CARD14: variants seen among roughly 807,000 people sequenced by gnomAD.
CARD14 encodes the protein caspase recruitment domain-containing protein 14.
A neutral mutation model predicts 111.5 loss-of-function variants in CARD14; 107 were observed. The ratio of observed to expected loss-of-function variants is 0.96; its 90% CI spans 0.82 to 1.13. The LOEUF is 1.13. Ranked by LOEUF, CARD14 falls within the 50% of genes most tolerant of loss-of-function variation. The probability of loss-of-function intolerance (pLI) is 0.00; values close to 1 mark genes in which losing one functional copy is unlikely to be tolerated. For synonymous variants in CARD14, 617 were observed against 579.6 expected, an observed-to-expected ratio of 1.06 and a Z score of -0.93; for missense variants, 1,322 against 1,362.3, an observed-to-expected ratio of 0.97 and a Z score of 0.47.
chr17:80,189,955 C>G lies in CARD14; in HGVS notation c.963+83C>G. ...GACAGGTCTGTGGGGAAGCCAGATT[C>G]CTTCATCCACGCCGAGCTCACATAA... On this transcript the variant is annotated intron_variant, in intron 9 of 23. Transcript: ENST00000648509. This position sits in a 1 kb window ranked among gnomAD's most constrained non-coding sequence, Gnocchi z 4.7. The G allele has an allele frequency of 6.7e-7, 1 of 1,501,880 alleles. No homozygotes were observed. The highest frequency in any genetic ancestry group is 1.3e-5 in the South Asian group (1 of 76,264). 93.0% of individuals were successfully genotyped at this position (1,501,880 alleles called of 1,614,324 possible). A position where few individuals can be genotyped will look rare whatever the true frequency, so the allele number is the denominator to read the frequency against.
intron 5 of CARD14, among the ~76,000 whole-genome samples, 199 bp downstream of exon 5, chr17:80,181,848 CA>C (rs1197000603): frequency 6.6e-6 from 1 of 152,104 alleles, no homozygotes; most frequent in African/African-American, 2.4e-5. Flanking sequence ...GCCCTTTTCC[CA>C]AAAAAGGTCA....
intron 12 of CARD14, among the ~76,000 whole-genome samples, chr17:80,193,132 G>A (rs2144286402): frequency 6.6e-6 from 1 of 152,326 alleles, no homozygotes; most frequent in South Asian, 2.1e-4. Flanking sequence ...TGCTGACAGG[G>A]TACCCGTCTG....
At chr17:80,183,836 T>C (rs1357345420) in intron 6 of CARD14, 77 bp from the exon 7 acceptor site, 4 of 1,206,032 alleles carry the variant, frequency 3.3e-6, no homozygotes, top group African/African-American at 3.2e-5. Flanking sequence ...GCCCACCTGC[T>C]CACCTGCTCA....
At chr17:80,202,519 G>C (rs1233692100) in intron 18 of CARD14, 99 bp downstream of exon 18, 2 of 1,513,370 alleles carry the variant, frequency 1.3e-6, no homozygotes, top group African/African-American at 2.7e-5. Flanking sequence ...GCAATAGAGG[G>C]TGGGCGTGGT....
chr17:80,180,536 A>C (rs963908323), intron 4 of CARD14, among the ~76,000 whole-genome samples: 1 of 152,034 alleles, frequency 6.6e-6, no homozygotes, highest in Admixed American at 6.5e-5. Context: ...GGGCCGCTGC[A>C]AACAAGGGAC....
chr17:80,191,237 G>C (rs1463135552), intron 10 of CARD14, 86 bp from the exon 11 acceptor site: 28 of 1,500,318 alleles, frequency 1.9e-5, no homozygotes, highest in Non-Finnish European at 3.7e-6. Context: ...TCAGATGAGC[G>C]CAGGCTAGAA....
chr17:80,208,115 C>T, intron 23 of CARD14, 23 bp from the exon 24 acceptor site: 3 of 1,493,642 alleles, frequency 2.0e-6, no homozygotes, highest in South Asian at 1.3e-5. Flanking sequence ...TGAGCCCGCC[C>T]CCCCCAACTC....
intron 2 of CARD14, among the ~76,000 whole-genome samples, chr17:80,175,739 C>A (rs964148301): frequency 6.6e-6 from 1 of 152,100 alleles, no homozygotes; most frequent in African/African-American, 2.4e-5. Context: ...CAGGGCCTGG[C>A]TGGGATGGGG....
In CARD14 at chr17:80,198,678, C is replaced by T. The variant is rs201289274; in HGVS notation, c.1851+87C>T. On this transcript the variant is annotated intron_variant, in intron 16 of 23. Coordinates refer to ENST00000648509, the MANE Select transcript of CARD14 (RefSeq NM_001366385.1). This position sits in a 1 kb window ranked among gnomAD's most constrained non-coding sequence, Gnocchi z 7.5. The stretch of plus-strand genomic sequence containing the variant: ...GGGTGACCCAGGCAGACTTCACCTC[C>T]CCCAGACGATGCAGATCCACTCTGG... 4.7e-5 allele frequency: 76 copies of T among 1,606,414 alleles called. No homozygotes were observed. The East Asian group carries it at 1.6e-3, about 33-fold the overall frequency.
chr17:80,183,571 C>G (rs1374831781), intron 6 of CARD14, among the ~76,000 whole-genome samples: 1 of 152,152 alleles, frequency 6.6e-6, no homozygotes, highest in Non-Finnish European at 1.5e-5. Flanking sequence ...GGGAGTCACG[C>G]TGTTTATTCA....
At position 80,203,735 on chromosome 17, in the gene CARD14, C is replaced by A; in HGVS notation, c.2220-87C>A. On this transcript the variant is annotated intron_variant, in intron 18 of 23. Coordinates refer to ENST00000648509, the MANE Select transcript of CARD14 (RefSeq NM_001366385.1). The surrounding 1 kb of genome is among the most constrained non-coding windows in gnomAD (Gnocchi z 4.6). The stretch of plus-strand genomic sequence containing the variant: ...AGGCCCTTCTCTCCCACCCGGCCAT[C>A]TCCCCCACTCTCCCCTGCTCGGCTC... 1.0e-6 allele frequency: 1 copy of A among 986,716 alleles called. No homozygotes were observed. The highest frequency in any genetic ancestry group is 1.5e-6 in the Non-Finnish European group (1 of 654,224). 61.1% of individuals were successfully genotyped at this position (986,716 alleles called of 1,614,324 possible).
In CARD14 at chr17:80,203,516, T is replaced by G; in HGVS notation, c.2220-306T>G. ...GCAGGCCAGGGACCCACCATGAATA[T>G]TGAGGTCCTGGAGTGGGGCCCTGTA... On this transcript the variant is annotated intron_variant, in intron 18 of 23. Coordinates refer to ENST00000648509, the MANE Select transcript of CARD14 (RefSeq NM_001366385.1). This position sits in a 1 kb window ranked among gnomAD's most constrained non-coding sequence, Gnocchi z 4.6. 9.8e-6 allele frequency: 3 copies of G among 307,492 alleles called. No homozygotes were observed. Among genetic ancestry groups the G allele is most frequent in the Non-Finnish European group, 6.0e-6 (1 of 166,818 alleles). 19.0% of individuals were successfully genotyped at this position (307,492 alleles called of 1,614,324 possible).
At position 80,191,417 on chromosome 17, in the gene CARD14, A is replaced by G. The variant is rs1169403364; in HGVS notation, c.1184A>G (p.Gln395Arg). The change falls in exon 11 of 24, where the codon CAG becomes CGG. Residue 395 changes from glutamine to arginine, a missense_variant. Physicochemically the swap from Gln to Arg is conservative, Grantham distance 43 (BLOSUM62 1). Transcript: ENST00000648509. ...AGGCAGGTGTTCGAGCTGACGGACC[A>G]GGTCTGCGAGCTGCGCACACAGCTT... ...LRRQVFELTDQVCELRTQLRQ... is the reference protein window; with the variant it reads ...LRRQVFELTDRVCELRTQLRQ... 1.2e-6 allele frequency: 2 copies of G among 1,613,826 alleles called. No individual in the cohort carries two copies. Among genetic ancestry groups the G allele is most frequent in the Admixed American group, 1.7e-5 (1 of 60,032 alleles).
In CARD14 at chr17:80,202,139, G is replaced by C. The variant is rs201468126; in HGVS notation, c.1979-41G>C. ...TCTGCAACCTTCCTCGCAGAGGCTC[G>C]TATCTGTGGCTCATCTGTGGCTCAT... On this transcript the variant is annotated intron_variant, in intron 17 of 23. Transcript: ENST00000648509. 7.1e-6 allele frequency: 11 copies of C among 1,544,572 alleles called. 1 individual carries two copies. The highest frequency in any genetic ancestry group is 5.6e-5 in the South Asian group (5 of 89,098).
intron 11 of CARD14, 59 bp from the exon 12 acceptor site, chr17:80,192,444 C>T (rs1388487949): frequency 7.5e-6 from 10 of 1,326,826 alleles, no homozygotes; most frequent in South Asian, 3.6e-5. Context: ...AGAAACTCCA[C>T]GGGCCTCAAA....
chr17:80,183,962 C>A lies in CARD14; in HGVS notation c.399C>A (p.Gly133=). The change falls in exon 7 of 24, where the codon GGC becomes GGA. Residue 133 remains glycine (G), a synonymous_variant. Transcript: ENST00000648509. ...KLTECLAGAI[G]SLQEELNQEK... ...CCGAGTGCCTGGCTGGGGCCATCGG[C>A]AGCCTGCAGGAGGAGCTGAACCAGG... is the stretch of plus-strand genomic sequence containing the variant. The A allele has an allele frequency of 6.5e-7, 1 of 1,550,146 alleles. No individual in the cohort carries two copies. The highest frequency in any genetic ancestry group is 2.3e-5 in the East Asian group (1 of 43,414).
chr17:80,206,904 G>A (rs908737793), intron 22 of CARD14, 66 bp from the exon 23 acceptor site: 14 of 1,209,622 alleles, frequency 1.2e-5, no homozygotes, highest in African/African-American at 1.1e-4. Context: ...TGACCTGGGC[G>A]TTGGCTCCCT....
Position 80,188,448 on chromosome 17 carries a change from G to A in CARD14, c.747G>A (p.Gln249=). ...CCTGTGAGCTGGAATTGCAAGAGCA[G>A]TCCCTGAGGACAGCCAGCGACCAGG... is the stretch of plus-strand genomic sequence containing the variant. The part of the protein sequence containing the change: ...VSSCELELQE[Q]SLRTASDQES... Residue 249 remains glutamine (Q), a synonymous_variant, in exon 8 of 24, where the codon CAG becomes CAA. Transcript: ENST00000648509. This position sits in a 1 kb window ranked among gnomAD's most constrained non-coding sequence, Gnocchi z 4.5. The A allele has an allele frequency of 1.9e-6, 3 of 1,607,658 alleles. No individual in the cohort carries two copies. In the South Asian group the frequency reaches 3.3e-5, roughly 18 times the overall value.
At chr17:80,170,409 A>G (rs1294587402) in intron 1 of CARD14, 1 of 152,230 alleles carries the variant, frequency 6.6e-6, no homozygotes, top group East Asian at 1.9e-4. Flanking sequence ...TAAGTTCAGA[A>G]CAAAGTGAGC....
Sources: allele counts gnomAD v4.1 joint callset (sites outside exome capture counted in the v4.1 genomes callset), GRCh38; gene constraint gnomAD v4.1.1; non-coding constraint Gnocchi (gnomAD v3.1); transcripts MANE v1.5; gene names NCBI Gene and HGNC (gene_info 2026-07-23, HGNC 2026-07-21).